Variants in GATAD2A observed in about 807,000 individuals in gnomAD.
GATAD2A encodes the protein transcriptional repressor p66-alpha.
In GATAD2A, 12 loss-of-function variants were observed where a neutral mutation model predicts 68.5. The observed-to-expected ratio is 0.18, with a 90% CI of 0.11 to 0.28. GATAD2A has a LOEUF of 0.28. GATAD2A is among the 10% of genes least tolerant of loss of function. GATAD2A has a pLI of 1.00. For missense variants in GATAD2A, 755 were observed against 868.5 expected (o/e 0.87, Z 1.64); for synonymous variants, 410 against 375.3 (o/e 1.09, Z -1.07).
chr19:19,477,555 C>T (rs1353311650), intron 2 of GATAD2A, among the ~76,000 whole-genome samples: 2 of 152,054 alleles, frequency 1.3e-5, no homozygotes, highest in African/African-American at 4.8e-5. Flanking sequence ...AATCATGGTG[C>T]ACCGGGTGCA....
intron 1 of GATAD2A, among the ~76,000 whole-genome samples, chr19:19,456,701 C>G (rs2056972137): frequency 6.6e-6 from 1 of 152,180 alleles, no homozygotes; most frequent in African/African-American, 2.4e-5. Context: ...TCATTCGTGA[C>G]AGTAAAGTCG....
chr19:19,487,939 A>G (rs1318461982), intron 2 of GATAD2A, among the ~76,000 whole-genome samples: 1 of 152,102 alleles, frequency 6.6e-6, no homozygotes, highest in Non-Finnish European at 1.5e-5. Context: ...TTCTAGTGGG[A>G]AATGGTTCTG....
intron 1 of GATAD2A, among the ~76,000 whole-genome samples, chr19:19,430,182 G>T (rs2053573595): frequency 6.6e-6 from 1 of 152,184 alleles, no homozygotes; most frequent in Non-Finnish European, 1.5e-5. Context: ...TACTAAGGTG[G>T]CAGGCAGTAG....
intron 1 of GATAD2A, among the ~76,000 whole-genome samples, chr19:19,410,327 TGGGGCAG>T (rs1321024686): frequency 7.1e-5 from 1 of 14,090 alleles, no homozygotes; most frequent in Admixed American, 9.8e-4. Flanking sequence ...TGGGAGTTCT[TGGGGCAG>T]GGGGTGGGGG....
chr19:19,501,331 T>C lies in GATAD2A; in HGVS notation c.1418T>C (p.Ile473Thr). 1.2e-6 allele frequency: 2 copies of C among 1,612,762 alleles called. No homozygotes were observed. Among genetic ancestry groups the C allele is most frequent in the Non-Finnish European group, 1.7e-6 (2 of 1,179,838 alleles). The change falls in exon 9 of 12, where the codon ATT becomes ACT. Residue 473 changes from isoleucine to threonine, a missense_variant. Ile to Thr is a moderately conservative substitution (Grantham distance 89). Coordinates refer to ENST00000683918, the MANE Select transcript of GATAD2A (RefSeq NM_001384528.1). ...FVKALQQEQE[I>T]EQRLLQQGTA... Reference sequence around the variant, plus strand: ...AAGGCGCTGCAGCAGGAACAGGAGATTGAGCAGCGGCTCCTGCAGCAGGGC... The same window carrying C: ...AAGGCGCTGCAGCAGGAACAGGAGACTGAGCAGCGGCTCCTGCAGCAGGGC...
intron 1 of GATAD2A, among the ~76,000 whole-genome samples, chr19:19,386,340 A>T (rs532393003): frequency 7.1e-6 from 1 of 141,578 alleles, no homozygotes; most frequent in South Asian, 2.3e-4. Flanking sequence ...TCTCTTAGGG[A>T]CCCTCGCCTC....
chr19:19,448,466 A>G (rs966770768), intron 1 of GATAD2A, among the ~76,000 whole-genome samples: 7 of 152,202 alleles, frequency 4.6e-5, no homozygotes, highest in African/African-American at 1.7e-4. Context: ...GTGTGAGCAC[A>G]GGGAGCTATT....
chr19:19,496,970 G>A (rs923489700), intron 7 of GATAD2A, among the ~76,000 whole-genome samples: 1 of 152,226 alleles, frequency 6.6e-6, no homozygotes, highest in South Asian at 2.1e-4. Flanking sequence ...GGTCAGGTTC[G>A]AGTGCAGAGA....
chr19:19,498,713 G>C lies in GATAD2A; in HGVS notation c.1195G>C (p.Glu399Gln), dbSNP rs545451925. The C allele has an allele frequency of 3.7e-6, 6 of 1,608,538 alleles. No individual in the cohort carries two copies. Among genetic ancestry groups the C allele is most frequent in the Admixed American group, 1.7e-5 (1 of 59,850 alleles). ...GLEEVVQNLL[E>Q]TQAGRMSAAT... Reference sequence around the variant, plus strand: ...GGAGGAGGTGGTGCAGAACCTACTGGAGACACAAGGTGAGTGGCCTGGACC... The same window carrying C: ...GGAGGAGGTGGTGCAGAACCTACTGCAGACACAAGGTGAGTGGCCTGGACC... Residue 399 changes from glutamate (E) to glutamine (Q), a missense_variant, in exon 8 of 12, where the codon GAG becomes CAG. By Grantham distance (29) the Glu-to-Gln change is conservative. Coordinates refer to ENST00000683918, the MANE Select transcript of GATAD2A (RefSeq NM_001384528.1).
intron 1 of GATAD2A, among the ~76,000 whole-genome samples, chr19:19,456,782 A>C (rs2056978769): frequency 6.6e-6 from 1 of 152,216 alleles, no homozygotes; most frequent in African/African-American, 2.4e-5. Flanking sequence ...GTACAGGTCC[A>C]GTGCTCCCCA....
chr19:19,471,812 A>T (rs1281123489), intron 2 of GATAD2A, among the ~76,000 whole-genome samples: 1 of 152,256 alleles, frequency 6.6e-6, no homozygotes, highest in Non-Finnish European at 1.5e-5. Context: ...TGTGAGGCCA[A>T]TCCAAAGGTC....
intron 2 of GATAD2A, among the ~76,000 whole-genome samples, chr19:19,475,933 G>A (rs2058649038): frequency 2.0e-5 from 3 of 152,154 alleles, no homozygotes; most frequent in Admixed American, 1.3e-4. Context: ...AACTCCCCAA[G>A]TCCTCAGCTC....
rs1480682829 is a variant in GATAD2A, at chr19:19,405,764, G to C, written c.-262G>C. The C allele has an allele frequency of 6.6e-6, 1 of 150,686 alleles. No homozygotes were observed. Among genetic ancestry groups the C allele is most frequent in the Non-Finnish European group, 1.5e-5 (1 of 67,584 alleles). The allele number at this position is 150,686 out of a possible 1,614,324, so 9.3% of individuals were successfully genotyped here. ...GCCGCGGGCCGGGCGCGCTGACCTG[G>C]TGCGCATGTCCCGGGCGGTGACGCC... is the stretch of plus-strand genomic sequence containing the variant. On this transcript the variant is annotated 5_prime_UTR_variant, in exon 1 of 12. Transcript: ENST00000683918.
In GATAD2A at chr19:19,488,723, G is replaced by A. The variant is rs151185573; in HGVS notation, c.270-3583G>A. On this transcript the variant is annotated intron_variant, in intron 2 of 11. Coordinates refer to ENST00000683918, the MANE Select transcript of GATAD2A (RefSeq NM_001384528.1). ...GTGGGGGTGGTGCGTGTCAGCGAGC[G>A]GGTGAGACCATTTACGCTGATAACA... 5.4e-3 allele frequency among the ~76,000 whole-genome samples: 824 copies of A among 152,322 alleles called. 7 individuals are homozygous for A. The highest frequency in any genetic ancestry group is 9.1e-3 in the Non-Finnish European group (617 of 68,026).
At chr19:19,482,280 T>G (rs970308762) in intron 2 of GATAD2A, among the ~76,000 whole-genome samples, 1 of 152,150 alleles carries the variant, frequency 6.6e-6, no homozygotes, top group African/African-American at 2.4e-5. Flanking sequence ...AGTGGGCGCC[T>G]GTAGTCCCAG....
intron 1 of GATAD2A, among the ~76,000 whole-genome samples, chr19:19,461,795 A>G (rs962646986): frequency 6.6e-6 from 1 of 152,180 alleles, no homozygotes; most frequent in Non-Finnish European, 1.5e-5. Context: ...GTTTGGAGAG[A>G]GTGAGGAGGA....
rs536067145 is a variant in GATAD2A, at chr19:19,508,068, G to A, written c.*2594G>A. ...GGTCCTGGTCCCGAGAGCCCTACCAGGATCAGGTTCCTGCAAGCCGTCAGA... is the reference window on the plus strand; with the variant it reads ...GGTCCTGGTCCCGAGAGCCCTACCAAGATCAGGTTCCTGCAAGCCGTCAGA... On this transcript the variant is annotated 3_prime_UTR_variant, in exon 12 of 12. Coordinates refer to ENST00000683918, the MANE Select transcript of GATAD2A (RefSeq NM_001384528.1). 4.6e-5 allele frequency: 7 copies of A among 152,278 alleles called. No homozygotes were observed. The highest frequency in any genetic ancestry group is 1.4e-4 in the African/African-American group (6 of 41,536). The allele number at this position is 152,278 out of a possible 1,614,324, so 9.4% of individuals were successfully genotyped here. A position where few individuals can be genotyped will look rare whatever the true frequency, so the allele number is the denominator to read the frequency against.
intron 1 of GATAD2A, among the ~76,000 whole-genome samples, chr19:19,447,366 C>T (rs2055850665): frequency 6.6e-6 from 1 of 152,152 alleles, no homozygotes; most frequent in Non-Finnish European, 1.5e-5. Flanking sequence ...GCAGGACCTT[C>T]TGGCCAGGGC....
chr19:19,505,193 A>G (rs933149413), intron 11 of GATAD2A, 151 bp from the exon 12 acceptor site: 1 of 666,478 alleles, frequency 1.5e-6, no homozygotes, highest in African/African-American at 1.9e-5. Context: ...GGGATTTGAA[A>G]CGTTGATTGA....
Sources: gnomAD v4.1 joint callset for allele counts (sites outside exome capture counted in the v4.1 genomes callset) on GRCh38, gnomAD v4.1.1 for gene constraint, MANE v1.5 for transcripts, NCBI Gene and HGNC (gene_info 2026-07-23, HGNC 2026-07-21) for gene names.